The following HECW1 variants were observed in gnomAD, a reference collection of about 807,000 sequenced individuals.
HECW1 encodes HECT, C2 and WW domain containing E3 ubiquitin protein ligase 1.
A neutral mutation model predicts 182.3 loss-of-function variants in HECW1; 61 were observed. The ratio of observed to expected loss-of-function variants is 0.33; its 90% CI spans 0.27 to 0.41. The LOEUF (loss-of-function observed/expected upper bound fraction) is 0.41, where lower values mean the gene tolerates loss of function less well. Among genes scored for constraint, HECW1 ranks in the 10% least tolerant of loss-of-function variants. HECW1 has a pLI of 1.00. For synonymous variants in HECW1, 859 were observed against 832.6 expected (o/e 1.03, Z -0.55); for missense variants, 1,739 against 2,108.9 (o/e 0.82, Z 3.44).
At chr7:43,156,911 C>A (rs781708138) in intron 2 of HECW1, among the ~76,000 whole-genome samples, 32 of 152,250 alleles carry the variant, frequency 2.1e-4, no homozygotes, top group South Asian at 2.1e-4. Context: ...GCAGGCCTTC[C>A]CTACCCACCC....
rs541714006 is a variant in HECW1 at position 43,373,747 on chromosome 7, A to G, written c.555+12767A>G. On this transcript the variant is annotated intron_variant, in intron 6 of 29. Transcript: ENST00000395891. ...TCACCGTCTATCTCCAGGACTTTTC[A>G]TCTTCCCAAACTGAAATTCTGTCCC... 3.3e-5 allele frequency among the ~76,000 whole-genome samples: 5 copies of G among 152,206 alleles called. No homozygotes were observed. In the South Asian group the frequency reaches 6.2e-4, roughly 19 times the overall value.
chr7:43,274,240 A>T lies in HECW1; in HGVS notation c.27+30308A>T, dbSNP rs542882611. On this transcript the variant is annotated intron_variant, in intron 3 of 29. Coordinates refer to ENST00000395891, the MANE Select transcript of HECW1 (RefSeq NM_015052.5). ...CCCAAATGCCACACACTGCCCCTCT[A>T]CTGCATGCGAATCTTTGCGCCTAAA... 41 of 674,688 alleles carry T rather than the reference A, an allele frequency of 6.1e-5. 1 individual carries two copies. In the South Asian group the frequency reaches 7.8e-4, roughly 13 times the overall value. 41.8% of individuals were successfully genotyped at this position (674,688 alleles called of 1,614,324 possible).
At chr7:43,187,248 T>C (rs1793497468) in intron 2 of HECW1, among the ~76,000 whole-genome samples, 1 of 152,248 alleles carries the variant, frequency 6.6e-6, no homozygotes, top group Non-Finnish European at 1.5e-5. Context: ...GAAGTCATGA[T>C]GTCTTTTAAG....
intron 2 of HECW1, among the ~76,000 whole-genome samples, chr7:43,124,123 T>C (rs796582610): frequency 3.3e-5 from 5 of 152,346 alleles, no homozygotes; most frequent in African/African-American, 1.2e-4. Context: ...TGTTCATTTG[T>C]GTCTACTAAA....
At chr7:43,156,521 C>T (rs1044505106) in intron 2 of HECW1, among the ~76,000 whole-genome samples, 6 of 152,174 alleles carry the variant, frequency 3.9e-5, no homozygotes, top group Non-Finnish European at 7.3e-5. Context: ...ACTGCAACCT[C>T]AAAATGATGT....
intron 2 of HECW1, among the ~76,000 whole-genome samples, chr7:43,130,983 T>C (rs1786853867): frequency 6.6e-6 from 1 of 152,182 alleles, no homozygotes; most frequent in South Asian, 2.1e-4. Context: ...AAATTTTATT[T>C]GGCTGAGCAT....
chr7:43,536,449 C>T (rs902670436), intron 24 of HECW1, among the ~76,000 whole-genome samples: 1 of 152,206 alleles, frequency 6.6e-6, no homozygotes, highest in African/African-American at 2.4e-5. Flanking sequence ...CCACCACCCG[C>T]TGCTGGGAGG....
intron 3 of HECW1, among the ~76,000 whole-genome samples, chr7:43,302,384 G>A (rs1806941195): frequency 6.6e-6 from 1 of 152,226 alleles, no homozygotes; most frequent in Non-Finnish European, 1.5e-5. Context: ...TGAATAAGAG[G>A]AGGGGCTGGC....
At chr7:43,504,175 T>C (rs1405532772) in intron 21 of HECW1, among the ~76,000 whole-genome samples, 1 of 152,226 alleles carries the variant, frequency 6.6e-6, no homozygotes, top group Non-Finnish European at 1.5e-5. Flanking sequence ...CCTGGATGAC[T>C]TCAACATCGA....
intron 8 of HECW1, among the ~76,000 whole-genome samples, chr7:43,416,005 G>A (rs1440635650): frequency 6.7e-6 from 1 of 149,086 alleles, no homozygotes; most frequent in Non-Finnish European, 1.5e-5. Flanking sequence ...TAATTTGATC[G>A]TCTGAAGCCT....
At chr7:43,256,894 A>G (rs377449329) in intron 3 of HECW1, among the ~76,000 whole-genome samples, 5 of 152,338 alleles carry the variant, frequency 3.3e-5, no homozygotes, top group African/African-American at 1.2e-4. Context: ...ACAATCACTT[A>G]TTCAACTCTA....
chr7:43,530,607 A>T (rs1203376848), intron 24 of HECW1, among the ~76,000 whole-genome samples: 1 of 152,142 alleles, frequency 6.6e-6, no homozygotes, highest in Non-Finnish European at 1.5e-5. Context: ...ACTTCTCTCC[A>T]TACTAACATA....
chr7:43,173,586 C>A (rs1791905596), intron 2 of HECW1, among the ~76,000 whole-genome samples: 2 of 152,214 alleles, frequency 1.3e-5, no homozygotes, highest in East Asian at 3.9e-4. Flanking sequence ...AAGGAGCATG[C>A]AACCTAGATC....
rs529109893 is a variant in HECW1 at position 43,319,393 on chromosome 7, CAAA to C, written c.353-1228_353-1226del. 3.7e-3 allele frequency among the ~76,000 whole-genome samples: 249 copies of C among 67,698 alleles called. 13 individuals are homozygous for C. Among genetic ancestry groups the C allele is most frequent in the African/African-American group, 9.5e-3 (233 of 24,444 alleles). The allele number at this position is 67,698 out of a possible 152,430, so 44.4% of individuals were successfully genotyped here. ...TGGGCGACAGAGCGAGACTCCGTCT[CAAA>C]AAAAAAAAAAAAAGAGAGAACATCG... On this transcript the variant is annotated intron_variant, in intron 4 of 29. Coordinates refer to ENST00000395891, the MANE Select transcript of HECW1 (RefSeq NM_015052.5).
chr7:43,539,925 A>G (rs1310279230), intron 24 of HECW1, among the ~76,000 whole-genome samples: 1 of 152,180 alleles, frequency 6.6e-6, no homozygotes, highest in Admixed American at 6.5e-5. Context: ...CCCAGGAATG[A>G]AGCACTGGTG....
At chr7:43,322,912 C>T (rs1037573832) in intron 5 of HECW1, among the ~76,000 whole-genome samples, 1 of 152,142 alleles carries the variant, frequency 6.6e-6, no homozygotes, top group African/African-American at 2.4e-5. Context: ...AGTAGCAGTT[C>T]TCAATGGTGC....
chr7:43,517,579 C>G (rs941596000), intron 24 of HECW1, among the ~76,000 whole-genome samples: 13 of 152,162 alleles, frequency 8.5e-5, no homozygotes, highest in Admixed American at 7.2e-4. Flanking sequence ...TCTGCAGAGT[C>G]TTGAATTAGT....
chr7:43,326,558 G>A (rs1810819363), intron 5 of HECW1, among the ~76,000 whole-genome samples: 1 of 152,228 alleles, frequency 6.6e-6, no homozygotes, highest in Non-Finnish European at 1.5e-5. Flanking sequence ...ATGTGTCAGG[G>A]ACAGTAAGAG....
At position 43,500,699 on chromosome 7, in the gene HECW1, G is replaced by A. The variant is rs2079313873; in HGVS notation, c.3438G>A (p.Arg1146=). 6.2e-7 allele frequency: 1 copy of A among 1,611,100 alleles called. No homozygotes were observed. Residue 1146 remains arginine (R), a splice_region_variant and synonymous_variant, in exon 20 of 30, where the codon AGG becomes AGA. Coordinates refer to ENST00000395891, the MANE Select transcript of HECW1 (RefSeq NM_015052.5). Reference sequence around the variant, plus strand: ...TCCTCTTCTTTCTCACATGATTCAGGGAGAAAATCCATTACATTCGGACTG... The same window carrying A: ...TCCTCTTCTTTCTCACATGATTCAGAGAGAAAATCCATTACATTCGGACTG... ...QPSLARNHTL[R]EKIHYIRTEG...
Sources: gnomAD v4.1 joint callset for allele counts (sites outside exome capture counted in the v4.1 genomes callset) on GRCh38, gnomAD v4.1.1 for gene constraint, MANE v1.5 for transcripts, NCBI Gene and HGNC (gene_info 2026-07-23, HGNC 2026-07-21) for gene names.